The following YPEL1 variants were observed in gnomAD, a reference collection of about 807,000 sequenced individuals.
YPEL1 encodes protein yippee-like 1.
A neutral mutation model predicts 17.3 loss-of-function variants in YPEL1; 7 were observed. The ratio of observed to expected loss-of-function variants is 0.40; its 90% CI spans 0.23 to 0.76. The LOEUF is 0.76. YPEL1 is among the 30% of genes least tolerant of loss of function. The pLI is 0.35. For synonymous variants in YPEL1, 59 were observed against 59.6 expected, an observed-to-expected ratio of 0.99 and a Z score of 0.05; for missense variants, 91 against 155.5, an observed-to-expected ratio of 0.59 and a Z score of 2.21.
intron 2 of YPEL1, 104 bp downstream of exon 2, chr22:21,710,524 G>C: frequency 7.0e-6 from 7 of 1,002,864 alleles, no homozygotes; most frequent in Non-Finnish European, 1.1e-5. Flanking sequence ...TCAGGACACA[G>C]CAGACTCAGG....
chr22:21,713,301 T>G (rs1476429081), intron 1 of YPEL1, among the ~76,000 whole-genome samples: 2 of 152,168 alleles, frequency 1.3e-5, no homozygotes, highest in Non-Finnish European at 2.9e-5. Flanking sequence ...CTCAAAGCCA[T>G]GTCTGCACAC....
intron 1 of YPEL1, among the ~76,000 whole-genome samples, chr22:21,727,457 G>A (rs935088798): frequency 1.3e-5 from 2 of 152,128 alleles, no homozygotes; most frequent in African/African-American, 2.4e-5. Flanking sequence ...CTCCACTCTC[G>A]GACACTGTGT....
At chr22:21,727,511 G>C (rs1218933580) in intron 1 of YPEL1, among the ~76,000 whole-genome samples, 4 of 152,174 alleles carry the variant, frequency 2.6e-5, no homozygotes, top group African/African-American at 9.7e-5. Flanking sequence ...CCCCCAAATA[G>C]ACATTAATGT....
intron 1 of YPEL1, among the ~76,000 whole-genome samples, chr22:21,732,908 C>T (rs1270001401): frequency 6.6e-6 from 1 of 151,976 alleles, no homozygotes; most frequent in Non-Finnish European, 1.5e-5. Flanking sequence ...TGAGATCAAC[C>T]TGGGCAACAC....
chr22:21,724,248 G>A (rs1391408390), intron 1 of YPEL1, among the ~76,000 whole-genome samples: 2 of 152,062 alleles, frequency 1.3e-5, no homozygotes, highest in African/African-American at 4.8e-5. Context: ...TTATGAAATA[G>A]TTCATTAAGG....
At chr22:21,719,984 C>T (rs113304165) in intron 1 of YPEL1, among the ~76,000 whole-genome samples, 20,999 of 145,406 alleles carry the variant, frequency 0.14, 1,784 homozygotes, top group Middle Eastern at 0.21. Context: ...TGCACTCCAG[C>T]GTGGGTGACA....
chr22:21,716,914 T>C (rs2068229245), intron 1 of YPEL1, among the ~76,000 whole-genome samples: 1 of 152,116 alleles, frequency 6.6e-6, no homozygotes, highest in African/African-American at 2.4e-5. Flanking sequence ...AGAGTATATG[T>C]AACCAACAGC....
chr22:21,728,499 C>T (rs8135616), intron 1 of YPEL1, among the ~76,000 whole-genome samples: 9,140 of 152,224 alleles, frequency 0.06, 294 homozygotes, highest in African/African-American at 0.078. Flanking sequence ...CTAAGAGATG[C>T]GTGTCCTTAT....
chr22:21,728,259 G>C (rs1221987384), intron 1 of YPEL1, among the ~76,000 whole-genome samples: 1 of 152,030 alleles, frequency 6.6e-6, no homozygotes, highest in Non-Finnish European at 1.5e-5. Context: ...CCTCTCCATG[G>C]AGGAGGCCTC....
intron 2 of YPEL1, among the ~76,000 whole-genome samples, chr22:21,705,510 T>C (rs1453625960): frequency 1.3e-5 from 2 of 152,198 alleles, no homozygotes; most frequent in Non-Finnish European, 2.9e-5. Flanking sequence ...CCAGCCCTTT[T>C]TTGGGGTTTT....
At chr22:21,713,076 T>G (rs1052876640) in intron 1 of YPEL1, among the ~76,000 whole-genome samples, 9 of 152,200 alleles carry the variant, frequency 5.9e-5, no homozygotes, top group African/African-American at 2.2e-4. Context: ...CCACACACCC[T>G]CTAGGACGGC....
rs1182211742 is a variant in YPEL1, at chr22:21,703,936, G to T, written c.118-54C>A. The T allele has an allele frequency of 2.6e-6, 4 of 1,553,232 alleles. No homozygotes were observed. The African/African-American group carries it at 4.1e-5, about 16-fold the overall frequency. ...CTGCGAGTGCTTTCTGGAACGAAGC[G>T]GTGCTGCCCAGAACCAGGGGAGTCC... On this transcript the variant is annotated intron_variant, in intron 2 of 4. Transcript: ENST00000339468. The surrounding 1 kb of genome is among the most constrained non-coding windows in gnomAD (Gnocchi z 6.1).
chr22:21,703,282 A>G lies in YPEL1; in HGVS notation c.270+88T>C. 1.7e-6 allele frequency: 2 copies of G among 1,164,952 alleles called. No individual in the cohort carries two copies. Among genetic ancestry groups the G allele is most frequent in the Non-Finnish European group, 2.5e-6 (2 of 786,474 alleles). The allele number at this position is 1,164,952 out of a possible 1,614,324, so 72.2% of individuals were successfully genotyped here. On this transcript the variant is annotated intron_variant, in intron 4 of 4. Coordinates refer to ENST00000339468, the MANE Select transcript of YPEL1 (RefSeq NM_013313.5). This position sits in a 1 kb window ranked among gnomAD's most constrained non-coding sequence, Gnocchi z 6.1. Reference sequence around the variant, plus strand: ...TTCTGAAAGTGCTGTGACTGGTACCATGGGCCACACTGCACGGGGAGGTGT... The same window carrying G: ...TTCTGAAAGTGCTGTGACTGGTACCGTGGGCCACACTGCACGGGGAGGTGT...
At chr22:21,708,660 ATTTTTTTTTTTT>A (rs150796353) in intron 2 of YPEL1, among the ~76,000 whole-genome samples, 1 of 107,214 alleles carries the variant, frequency 9.3e-6, no homozygotes, top group African/African-American at 3.7e-5. Context: ...TCTTGATACA[ATTTTTTTTTTTT>A]TTTTTTTTTT....
rs1231165042 is a variant in YPEL1, at chr22:21,735,784, C to T, written c.-334G>A. ...CGCCGCCGCCCCGCGGGCCGCCTGC[C>T]CTTTGTTTTGGAGCCGTAGCCCGGC... On this transcript the variant is annotated 5_prime_UTR_variant, in exon 1 of 5. Coordinates refer to ENST00000339468, the MANE Select transcript of YPEL1 (RefSeq NM_013313.5). 1 of 150,708 alleles carries T rather than the reference C, an allele frequency of 6.6e-6. No individual in the cohort carries two copies. The highest frequency in any genetic ancestry group is 2.4e-5 in the African/African-American group (1 of 41,274). The allele number at this position is 150,708 out of a possible 1,614,324, so 9.3% of individuals were successfully genotyped here.
chr22:21,698,893 T>TGC lies in YPEL1; in HGVS notation c.*2234_*2235dup, dbSNP rs1569055750. The TGC allele has an allele frequency of 1.3e-5, 2 of 152,458 alleles. No individual in the cohort carries two copies. The highest frequency in any genetic ancestry group is 2.9e-5 in the Non-Finnish European group (2 of 68,108). 9.4% of individuals were successfully genotyped at this position (152,458 alleles called of 1,614,324 possible). A position where few individuals can be genotyped will look rare whatever the true frequency, so the allele number is the denominator to read the frequency against. ...AGACTAGCGCAGGGATAAAGCAGCT[T>TGC]GCAGGGCCATAGCCGGATGTGGAGG... On this transcript the variant is annotated 3_prime_UTR_variant, in exon 5 of 5. Coordinates refer to ENST00000339468, the MANE Select transcript of YPEL1 (RefSeq NM_013313.5).
At chr22:21,722,876 T>A (rs1249905944) in intron 1 of YPEL1, 1 of 152,138 alleles carries the variant, frequency 6.6e-6, no homozygotes, top group Non-Finnish European at 1.5e-5. Context: ...GGGGATTATT[T>A]TTTTTTAATT....
intron 1 of YPEL1, among the ~76,000 whole-genome samples, chr22:21,724,983 C>T (rs1266754058): frequency 2.7e-5 from 4 of 150,712 alleles, no homozygotes; most frequent in Non-Finnish European, 4.4e-5. Context: ...TCTCGGCTCA[C>T]TGCAACCTCT....
At chr22:21,724,341 G>A (rs544412466) in intron 1 of YPEL1, among the ~76,000 whole-genome samples, 9 of 152,140 alleles carry the variant, frequency 5.9e-5, no homozygotes, top group South Asian at 2.1e-4. Context: ...GTTTGAGACC[G>A]GCCTGGCCAA....
Sources: gnomAD v4.1 joint callset for allele counts (sites outside exome capture counted in the v4.1 genomes callset) on GRCh38, gnomAD v4.1.1 for gene constraint, Gnocchi (gnomAD v3.1) non-coding constraint, MANE v1.5 for transcripts, NCBI Gene and HGNC (gene_info 2026-07-23, HGNC 2026-07-21) for gene names.